The following NXN variants were observed in gnomAD, a reference collection of about 807,000 sequenced individuals.
The protein encoded by NXN is nucleoredoxin 1.
In NXN, 16 loss-of-function variants were observed where a neutral mutation model predicts 48.6. The observed-to-expected ratio is 0.33, with a 90% CI of 0.22 to 0.50. The LOEUF (loss-of-function observed/expected upper bound fraction) is 0.50. Among genes scored for constraint, NXN ranks in the 20% least tolerant of loss-of-function variants. The probability of loss-of-function intolerance (pLI) is 0.98; values close to 1 mark genes in which losing one functional copy is unlikely to be tolerated. For synonymous variants in NXN, 281 were observed against 269.6 expected, an observed-to-expected ratio of 1.04 and a Z score of -0.41; for missense variants, 492 against 605.5, an observed-to-expected ratio of 0.81 and a Z score of 1.97.
chr17:852,159 A>C (rs755944765), intron 1 of NXN, among the ~76,000 whole-genome samples: 1 of 152,198 alleles, frequency 6.6e-6, no homozygotes, highest in African/African-American at 2.4e-5. Flanking sequence ...CAGCCTCTAG[A>C]AGGCTCTTGG....
intron 1 of NXN, among the ~76,000 whole-genome samples, chr17:835,117 G>C (rs1041179526): frequency 6.6e-6 from 1 of 150,960 alleles, no homozygotes. Flanking sequence ...GACCATCCTG[G>C]CTAACATGGT....
chr17:884,264 G>A (rs1175127757), intron 1 of NXN, among the ~76,000 whole-genome samples: 1 of 134,066 alleles, frequency 7.5e-6, no homozygotes, highest in Non-Finnish European at 1.6e-5. Context: ...ACGAAGCTGT[G>A]TGTAGTGGCG....
At chr17:945,933 T>C (rs561636054) in intron 1 of NXN, among the ~76,000 whole-genome samples, 1 of 151,964 alleles carries the variant, frequency 6.6e-6, no homozygotes, top group Non-Finnish European at 1.5e-5. Context: ...GGCTGGAAAC[T>C]GGGAATGTCC....
At chr17:871,782 G>T (rs937618126) in intron 1 of NXN, among the ~76,000 whole-genome samples, 1 of 152,164 alleles carries the variant, frequency 6.6e-6, no homozygotes, top group African/African-American at 2.4e-5. Flanking sequence ...GTGTTATCCA[G>T]CCCTGATCCA....
At chr17:965,695 A>T (rs2150633786) in intron 1 of NXN, among the ~76,000 whole-genome samples, 1 of 152,244 alleles carries the variant, frequency 6.6e-6, no homozygotes, top group South Asian at 2.1e-4. Context: ...ATTTTTATCA[A>T]CTGCTTGTAT....
intron 1 of NXN, among the ~76,000 whole-genome samples, chr17:836,884 C>G (rs1015166947): frequency 6.6e-6 from 1 of 152,082 alleles, no homozygotes; most frequent in African/African-American, 2.4e-5. Flanking sequence ...CTCCACCTCC[C>G]GGGCTCAAGC....
In NXN at chr17:924,381, G is replaced by A. The variant is rs938258658; in HGVS notation, c.360+54938C>T. ...CCCCCCGCGTAGGTGGGATTGCAAG[G>A]CGTGAGCCACTACGTCCGGCTAATT... On this transcript the variant is annotated intron_variant, in intron 1 of 7. Transcript: ENST00000336868. 5.5e-4 allele frequency among the ~76,000 whole-genome samples: 84 copies of A among 152,126 alleles called. 1 individual carries two copies. Among genetic ancestry groups the A allele is most frequent in the Non-Finnish European group, 1.3e-4 (9 of 68,006 alleles).
Position 866,255 on chromosome 17 carries a change from T to C in NXN, c.361-40177A>G, listed in dbSNP as rs150231590. ...AGACAATACCCGTCACATACATGTA[T>C]AAATGCACAGAAGATATTTCAGAAG... On this transcript the variant is annotated intron_variant, in intron 1 of 7. Transcript: ENST00000336868. 1.6e-4 allele frequency among the ~76,000 whole-genome samples: 25 copies of C among 152,166 alleles called. No homozygotes were observed. The East Asian group carries it at 4.8e-3, about 29-fold the overall frequency.
intron 1 of NXN, among the ~76,000 whole-genome samples, chr17:837,988 G>C (rs896916555): frequency 1.3e-5 from 2 of 152,158 alleles, no homozygotes; most frequent in Non-Finnish European, 2.9e-5. Context: ...CACCGAGCAT[G>C]ATATATGCCG....
rs928052334 is a variant in NXN, at chr17:932,160, G to A, written c.360+47159C>T. On this transcript the variant is annotated intron_variant, in intron 1 of 7. Coordinates refer to ENST00000336868, the MANE Select transcript of NXN (RefSeq NM_022463.5). The surrounding 1 kb of genome is among the most constrained non-coding windows in gnomAD (Gnocchi z 4.1). Reference sequence around the variant, plus strand: ...CCCTATCTCAAAAATAAAACAAAACGAACAATTTTAGAAATGTTTAATTAT... The same window carrying A: ...CCCTATCTCAAAAATAAAACAAAACAAACAATTTTAGAAATGTTTAATTAT... 1.4e-4 allele frequency among the ~76,000 whole-genome samples: 21 copies of A among 152,028 alleles called. No individual in the cohort carries two copies. The highest frequency in any genetic ancestry group is 3.6e-4 in the African/African-American group (15 of 41,380).
chr17:827,405 G>A (rs1215996677), intron 1 of NXN, among the ~76,000 whole-genome samples: 3 of 152,068 alleles, frequency 2.0e-5, no homozygotes, highest in African/African-American at 4.8e-5. Flanking sequence ...GGTGGATCAC[G>A]AGGCCAGGAG....
intron 1 of NXN, among the ~76,000 whole-genome samples, chr17:850,156 A>T (rs1427827793): frequency 6.6e-6 from 1 of 152,202 alleles, no homozygotes; most frequent in Admixed American, 6.5e-5. Flanking sequence ...CTCACTGCTT[A>T]GAACGCCAGA....
chr17:943,767 G>A (rs866439862), intron 1 of NXN, among the ~76,000 whole-genome samples: 3 of 152,028 alleles, frequency 2.0e-5, no homozygotes, highest in Non-Finnish European at 2.9e-5. Context: ...GGAGGTTGCA[G>A]GGAGCCGAGA....
chr17:810,750 G>A lies in NXN; in HGVS notation c.821-5503C>T, dbSNP rs527508863. ...ACTAAAAATACAAAATTAGCTGGGCGTGGTAGCGCACCCCTGTACTCCCAG... is the reference window on the plus strand; with the variant it reads ...ACTAAAAATACAAAATTAGCTGGGCATGGTAGCGCACCCCTGTACTCCCAG... On this transcript the variant is annotated intron_variant, in intron 5 of 7. Transcript: ENST00000336868. Among the ~76,000 whole-genome samples, 351 of 152,234 alleles carry A rather than the reference G, an allele frequency of 2.3e-3. 1 individual carries two copies. The highest frequency in any genetic ancestry group is 4.2e-3 in the Non-Finnish European group (284 of 68,008).
chr17:806,921 TACACAC>T (rs5818767), intron 5 of NXN, among the ~76,000 whole-genome samples: 285 of 148,268 alleles, frequency 1.9e-3, no homozygotes, highest in African/African-American at 4.7e-3. Flanking sequence ...CACACTCACA[TACACAC>T]ACACACACAC....
intron 1 of NXN, among the ~76,000 whole-genome samples, chr17:868,962 A>C (rs1002654944): frequency 1.3e-5 from 2 of 152,182 alleles, no homozygotes; most frequent in Admixed American, 1.3e-4. Context: ...GACACAGAAA[A>C]CACGGAGGCT....
chr17:821,450 G>A lies in NXN; in HGVS notation c.713+907C>T, dbSNP rs1430301092. On this transcript the variant is annotated intron_variant, in intron 4 of 7. Transcript: ENST00000336868. ...TCAAATAGCACCAGACACAGCAAAGGGCCAGAGCTGAGATAACAGCCATCC... is the reference window on the plus strand; with the variant it reads ...TCAAATAGCACCAGACACAGCAAAGAGCCAGAGCTGAGATAACAGCCATCC... 2.5e-5 allele frequency among the ~76,000 whole-genome samples: 2 copies of A among 78,438 alleles called. 1 individual carries two copies. Among genetic ancestry groups the A allele is most frequent in the Non-Finnish European group, 4.8e-5 (2 of 42,048 alleles). 51.5% of individuals were successfully genotyped at this position (78,438 alleles called of 152,430 possible).
rs576268194 is a variant in NXN at position 839,824 on chromosome 17, C to T, written c.361-13746G>A. On this transcript the variant is annotated intron_variant, in intron 1 of 7. Transcript: ENST00000336868. ...AAAAAAAAAAAAAAAAGGCCAGGCA[C>T]GGTGGCTCACACCTATAATCCCAGC... Among the ~76,000 whole-genome samples, 345 of 86,650 alleles carry T rather than the reference C, an allele frequency of 4.0e-3. 1 individual carries two copies. Among genetic ancestry groups the T allele is most frequent in the Non-Finnish European group, 6.2e-3 (275 of 44,228 alleles). 56.8% of individuals were successfully genotyped at this position (86,650 alleles called of 152,430 possible).
At chr17:971,151 G>A (rs1265419242) in intron 1 of NXN, among the ~76,000 whole-genome samples, 4 of 151,802 alleles carry the variant, frequency 2.6e-5, no homozygotes, top group Non-Finnish European at 5.9e-5. Context: ...TCTCCACATT[G>A]GTCAGGTTGG....
Sources: gnomAD v4.1 joint callset for allele counts (sites outside exome capture counted in the v4.1 genomes callset) on GRCh38, gnomAD v4.1.1 for gene constraint, Gnocchi (gnomAD v3.1) non-coding constraint, MANE v1.5 for transcripts, NCBI Gene and HGNC (gene_info 2026-07-23, HGNC 2026-07-21) for gene names.